Variants in CACNA1C observed in about 807,000 individuals in gnomAD.
The protein encoded by CACNA1C is calcium voltage-gated channel subunit alpha1 C, also known as voltage-dependent L-type calcium channel subunit alpha-1C.
Under a neutral mutation model 229.0 loss-of-function variants are expected in CACNA1C, and 30 were observed. That is an observed-to-expected ratio of 0.13 (90% CI 0.10 to 0.18). The LOEUF is 0.18. CACNA1C is among the 10% of genes least tolerant of loss of function. CACNA1C has a pLI of 1.00. For synonymous variants in CACNA1C, 1,114 were observed against 1,132.5 expected, an observed-to-expected ratio of 0.98 and a Z score of 0.33; for missense variants, 1,658 against 2,845.0, an observed-to-expected ratio of 0.58 and a Z score of 9.49.
chr12:2,622,933 C>T (rs967174144), intron 29 of CACNA1C, among the ~76,000 whole-genome samples: 11 of 152,266 alleles, frequency 7.2e-5, no homozygotes, highest in African/African-American at 1.4e-4. Flanking sequence ...TTCTCAGCCT[C>T]GTGGGGATAA....
At chr12:2,400,662 C>T (rs2098664400) in intron 3 of CACNA1C, among the ~76,000 whole-genome samples, 1 of 152,198 alleles carries the variant, frequency 6.6e-6, no homozygotes, top group African/African-American at 2.4e-5. Context: ...GCCCCCACAG[C>T]ACTCTCTGCC....
Position 2,581,499 on chromosome 12 carries a change from T to C in CACNA1C, c.1896-91T>C, listed in dbSNP as rs573495149. 4.5e-5 allele frequency: 54 copies of C among 1,200,388 alleles called. No individual in the cohort carries two copies. The African/African-American group carries it at 7.8e-4, about 17-fold the overall frequency. The allele number at this position is 1,200,388 out of a possible 1,614,324, so 74.4% of individuals were successfully genotyped here. On this transcript the variant is annotated intron_variant, in intron 13 of 46. Coordinates refer to ENST00000399655, the MANE Select transcript of CACNA1C (RefSeq NM_000719.7). ...AAAGAGCATAGAGTGGCAGCTCCTC[T>C]GAGAACCTGCAGTGGGCAGTTGTGA...
intron 3 of CACNA1C, among the ~76,000 whole-genome samples, chr12:2,421,961 A>G (rs1267343732): frequency 6.6e-6 from 1 of 152,080 alleles, no homozygotes; most frequent in Non-Finnish European, 1.5e-5. Flanking sequence ...TGGCCATGCT[A>G]GGACATGGGC....
At chr12:2,457,067 C>T (rs186938225) in intron 4 of CACNA1C, among the ~76,000 whole-genome samples, 16 of 152,316 alleles carry the variant, frequency 1.1e-4, no homozygotes, top group East Asian at 1.9e-4. Context: ...TTGCGCAGCA[C>T]GCACCTCCTG....
chr12:2,682,149 A>G, intron 42 of CACNA1C: 1 of 737,218 alleles, frequency 1.4e-6, no homozygotes, highest in Non-Finnish European at 2.3e-6. Flanking sequence ...CAGCTATGCC[A>G]AATGCCAAAG....
chr12:2,463,428 G>A lies in CACNA1C; in HGVS notation c.757+5722G>A, dbSNP rs150984620. Among the ~76,000 whole-genome samples, 182 of 152,296 alleles carry A rather than the reference G, an allele frequency of 1.2e-3. 1 individual carries two copies. The highest frequency in any genetic ancestry group is 4.3e-3 in the African/African-American group (179 of 41,560). On this transcript the variant is annotated intron_variant, in intron 5 of 46. Coordinates refer to ENST00000399655, the MANE Select transcript of CACNA1C (RefSeq NM_000719.7). ...ATGCTAAGTGTGTTCTAGAGAGCTT[G>A]AAGTGTAGTAGAAGAAAAAATATTC...
chr12:2,648,768 C>G (rs1420201518), intron 31 of CACNA1C, among the ~76,000 whole-genome samples: 3 of 152,204 alleles, frequency 2.0e-5, no homozygotes, highest in Admixed American at 6.5e-5. Context: ...TAACAAGCCA[C>G]TGGGAGAGAA....
intron 3 of CACNA1C, among the ~76,000 whole-genome samples, chr12:2,164,204 T>A (rs2096083112): frequency 6.6e-6 from 1 of 152,260 alleles, no homozygotes; most frequent in African/African-American, 2.4e-5. Flanking sequence ...GACTGCTTCA[T>A]GGACAATAAT....
intron 3 of CACNA1C, among the ~76,000 whole-genome samples, chr12:2,264,383 C>A (rs1016739559): frequency 1.3e-5 from 2 of 152,182 alleles, no homozygotes; most frequent in African/African-American, 4.8e-5. Flanking sequence ...CTTGATTAGA[C>A]CTGCAGAATG....
chr12:2,661,316 A>T (rs11062297), intron 34 of CACNA1C, among the ~76,000 whole-genome samples: 1 of 128,496 alleles, frequency 7.8e-6, no homozygotes, highest in Non-Finnish European at 1.8e-5. Context: ...CACACACACA[A>T]GATTTTTCTA....
intron 1 of CACNA1C, among the ~76,000 whole-genome samples, chr12:2,112,071 G>A (rs2081981911): frequency 6.6e-6 from 1 of 152,170 alleles, no homozygotes; most frequent in African/African-American, 2.4e-5. Context: ...GTGTGAGAGA[G>A]GGCTGAGGAG....
intron 3 of CACNA1C, among the ~76,000 whole-genome samples, chr12:2,392,861 G>A (rs1363353589): frequency 2.0e-5 from 3 of 152,162 alleles, no homozygotes; most frequent in East Asian, 3.9e-4. Flanking sequence ...TTCAGCAGAA[G>A]TATGGCAGCT....
intron 1 of CACNA1C, among the ~76,000 whole-genome samples, chr12:2,060,934 T>C (rs1424377331): frequency 6.6e-6 from 1 of 152,252 alleles, no homozygotes; most frequent in Non-Finnish European, 1.5e-5. Flanking sequence ...CATTGTGTCA[T>C]GTACAGTCAT....
intron 3 of CACNA1C, among the ~76,000 whole-genome samples, chr12:2,202,869 T>C (rs141199134): frequency 6.6e-6 from 1 of 152,172 alleles, no homozygotes; most frequent in Non-Finnish European, 1.5e-5. Flanking sequence ...GGAGATGAAG[T>C]TGTCTGTCTG....
intron 3 of CACNA1C, among the ~76,000 whole-genome samples, chr12:2,438,289 G>A (rs1209187542): frequency 1.0e-5 from 1 of 99,552 alleles, no homozygotes; most frequent in East Asian, 2.8e-4. Context: ...TAGTGGTAAT[G>A]ATGGTGGTGG....
intron 3 of CACNA1C, among the ~76,000 whole-genome samples, chr12:2,170,642 T>A (rs565910674): frequency 3.9e-5 from 6 of 152,356 alleles, no homozygotes; most frequent in African/African-American, 1.4e-4. Context: ...TGGCTCCTGC[T>A]CCCTGGGGAG....
At position 2,149,433 on chromosome 12, in the gene CACNA1C, A is replaced by G. The variant is rs189896819; in HGVS notation, c.477+29003A>G. The stretch of plus-strand genomic sequence containing the variant: ...CCATTTAATATTTCGATTGCAAGAC[A>G]TATCTCTACTGGATGGTGTTTTGGA... On this transcript the variant is annotated intron_variant, in intron 3 of 46. Transcript: ENST00000399655. 2.2e-3 allele frequency among the ~76,000 whole-genome samples: 328 copies of G among 152,288 alleles called. 3 individuals are homozygous for G. Among genetic ancestry groups the G allele is most frequent in the Admixed American group, 4.1e-3 (63 of 15,300 alleles).
At position 2,285,643 on chromosome 12, in the gene CACNA1C, A is replaced by G. The variant is rs1341935902; in HGVS notation, c.478-163333A>G. 6.6e-6 allele frequency among the ~76,000 whole-genome samples: 1 copy of G among 152,140 alleles called. No individual in the cohort carries two copies. Among genetic ancestry groups the G allele is most frequent in the Non-Finnish European group, 1.5e-5 (1 of 68,024 alleles). On this transcript the variant is annotated intron_variant, in intron 3 of 46. Transcript: ENST00000399655. The surrounding 1 kb of genome is among the most constrained non-coding windows in gnomAD (Gnocchi z 4.2). ...CACTCAAAGCAGAGTGATGGACGAG[A>G]CTTACTTTCGACGTTCCTAGGCTCC...
At chr12:2,230,833 A>C (rs1348952978) in intron 3 of CACNA1C, among the ~76,000 whole-genome samples, 5 of 152,180 alleles carry the variant, frequency 3.3e-5, no homozygotes, top group African/African-American at 1.2e-4. Context: ...TAACTCCTTT[A>C]ATCTTAAAGA....
Sources: gnomAD v4.1 joint callset for allele counts (sites outside exome capture counted in the v4.1 genomes callset) on GRCh38, gnomAD v4.1.1 for gene constraint, Gnocchi (gnomAD v3.1) non-coding constraint, MANE v1.5 for transcripts, NCBI Gene and HGNC (gene_info 2026-07-23, HGNC 2026-07-21) for gene names.